Variants in PTK2 observed in about 807,000 individuals in gnomAD.
PTK2 encodes protein tyrosine kinase 2.
In PTK2, 45 loss-of-function variants were observed where a neutral mutation model predicts 150.1. That is an observed-to-expected ratio of 0.30 (90% CI 0.24 to 0.38). The LOEUF is 0.38. Ranked by LOEUF, PTK2 falls within the 10% of genes least tolerant of loss-of-function variation. The pLI is 1.00. For synonymous variants in PTK2, 432 were observed against 449.2 expected, an observed-to-expected ratio of 0.96 and a Z score of 0.48; for missense variants, 919 against 1,307.3, an observed-to-expected ratio of 0.70 and a Z score of 4.58.
chr8:140,931,121 G>C (rs186921540), intron 1 of PTK2, among the ~76,000 whole-genome samples: 1 of 151,040 alleles, frequency 6.6e-6, no homozygotes, highest in Non-Finnish European at 1.5e-5. Context: ...TAAATACATG[G>C]TACAAAATTC....
intron 9 of PTK2, 101 bp downstream of exon 9, chr8:140,818,779 G>T: frequency 8.0e-7 from 1 of 1,248,362 alleles, no homozygotes; most frequent in Non-Finnish European, 1.1e-6. Context: ...GAAAAAAATG[G>T]GACAAGTTAG....
chr8:140,791,059 C>T (rs962295491), intron 13 of PTK2, among the ~76,000 whole-genome samples: 3 of 152,148 alleles, frequency 2.0e-5, no homozygotes, highest in African/African-American at 7.2e-5. Flanking sequence ...GTGGAAATTC[C>T]ACTCTTGTAA....
At chr8:140,751,727 G>C (rs888102581) in intron 17 of PTK2, among the ~76,000 whole-genome samples, 6 of 151,908 alleles carry the variant, frequency 3.9e-5, no homozygotes, top group African/African-American at 9.7e-5. Context: ...CCTGACCTCA[G>C]GTGATCTGCC....
intron 16 of PTK2, among the ~76,000 whole-genome samples, chr8:140,752,529 C>A (rs1240196712): frequency 6.6e-6 from 1 of 152,230 alleles, no homozygotes; most frequent in African/African-American, 2.4e-5. Flanking sequence ...TACAGCAAAT[C>A]ATTTATTCAT....
intron 1 of PTK2, among the ~76,000 whole-genome samples, chr8:140,991,641 A>G (rs1262804789): frequency 6.6e-6 from 1 of 152,164 alleles, no homozygotes; most frequent in Non-Finnish European, 1.5e-5. Context: ...TATGACTTGC[A>G]TTTCTTTCAA....
intron 14 of PTK2, chr8:140,764,541 TA>T (rs921521483): frequency 1.6e-5 from 8 of 488,614 alleles, no homozygotes; most frequent in Non-Finnish European, 2.5e-5. Flanking sequence ...AAAGCCCTTG[TA>T]AAAAACAGAA....
rs1485035794 is a variant in PTK2, at chr8:140,949,863, CG to C, written c.-121-24115del. ...AGCCCGGGAGCCAGGCCACCAGTTA[CG>C]GGTGGAGTCTACAGCCTGGAGTGAG... On this transcript the variant is annotated intron_variant, in intron 1 of 31. Transcript: ENST00000522684. Among the ~76,000 whole-genome samples, 3 of 152,282 alleles carry C rather than the reference CG, an allele frequency of 2.0e-5. No individual in the cohort carries two copies. The East Asian group carries it at 5.8e-4, about 29-fold the overall frequency.
At chr8:140,682,489 T>C (rs560137840) in intron 27 of PTK2, among the ~76,000 whole-genome samples, 1 of 152,190 alleles carries the variant, frequency 6.6e-6, no homozygotes, top group East Asian at 1.9e-4. Context: ...AGAAGTGATG[T>C]ACATATTTCT....
At position 140,729,894 on chromosome 8, in the gene PTK2, G is replaced by A. The variant is rs558335037; in HGVS notation, c.2030+5357C>T. ...ACACAGTTTCAGTCTCCTCATCATC[G>A]TAAACTAACGATGAAGATACTACCT... On this transcript the variant is annotated intron_variant, in intron 22 of 31. Coordinates refer to ENST00000522684, the Ensembl canonical transcript of PTK2. Among the ~76,000 whole-genome samples the A allele has an allele frequency of 1.8e-4, 27 of 152,178 alleles. No homozygotes were observed. The South Asian group carries it at 2.1e-3, about 12-fold the overall frequency.
chr8:140,859,280 A>C (rs2100134674), intron 5 of PTK2, among the ~76,000 whole-genome samples: 1 of 152,154 alleles, frequency 6.6e-6, no homozygotes. Context: ...GTGGAGTGAA[A>C]GGGCAGTGTG....
In PTK2 at chr8:140,871,964, T is replaced by G. The variant is rs184985430; in HGVS notation, c.362+7507A>C. On this transcript the variant is annotated intron_variant, in intron 4 of 31. Coordinates refer to ENST00000522684, the Ensembl canonical transcript of PTK2. ...TGGCTCACACCTATAATCCCAGCAC[T>G]TTGGGAGGCCAAGGTGGGCAGATCA... 4.7e-4 allele frequency among the ~76,000 whole-genome samples: 71 copies of G among 152,048 alleles called. No homozygotes were observed. The East Asian group carries it at 0.013, about 28-fold the overall frequency.
Position 140,734,638 on chromosome 8 carries a change from TA to T in PTK2, c.2030+612del, listed in dbSNP as rs940478884. 1,004 of 457,870 alleles carry T rather than the reference TA, an allele frequency of 2.2e-3. 22 individuals are homozygous for T. The Middle Eastern group carries it at 0.07, about 32-fold the overall frequency. The allele number at this position is 457,870 out of a possible 1,614,324, so 28.4% of individuals were successfully genotyped here. A position where few individuals can be genotyped will look rare whatever the true frequency, so the allele number is the denominator to read the frequency against. The stretch of plus-strand genomic sequence containing the variant: ...TTTAACAGTACCTGGCACAAAGTAG[TA>T]GCCACAAAATGGCACCTGAACAAGC... On this transcript the variant is annotated intron_variant, in intron 22 of 31. Coordinates refer to ENST00000522684, the Ensembl canonical transcript of PTK2.
intron 1 of PTK2, among the ~76,000 whole-genome samples, chr8:140,972,051 GA>G (rs1259759155): frequency 6.6e-6 from 1 of 152,122 alleles, no homozygotes; most frequent in African/African-American, 2.4e-5. Context: ...TCAGGATTAA[GA>G]CATTTTTCAA....
chr8:140,800,388 G>T, intron 12 of PTK2, 71 bp downstream of exon 12: 1 of 1,177,228 alleles, frequency 8.5e-7, no homozygotes, highest in African/African-American at 1.5e-5. Flanking sequence ...AGGATAACAG[G>T]CTGTTAGGGG....
At chr8:140,750,824 G>A (rs1039834312) in intron 17 of PTK2, among the ~76,000 whole-genome samples, 15 of 152,302 alleles carry the variant, frequency 9.8e-5, no homozygotes, top group African/African-American at 3.1e-4. Flanking sequence ...AGTGGCTCAC[G>A]CCTGTAATCC....
chr8:140,962,011 G>A (rs2100183356), intron 1 of PTK2, among the ~76,000 whole-genome samples: 2 of 152,040 alleles, frequency 1.3e-5, no homozygotes, highest in African/African-American at 4.8e-5. Context: ...CCCAGGCAGA[G>A]ACAGGTGGAT....
chr8:140,766,316 C>G (rs1466015309), intron 14 of PTK2, among the ~76,000 whole-genome samples: 4 of 152,176 alleles, frequency 2.6e-5, no homozygotes, highest in African/African-American at 9.7e-5. Context: ...AAAGCTGCTG[C>G]TAACACCAGT....
chr8:140,779,980 AAC>A (rs2100080764), intron 14 of PTK2, among the ~76,000 whole-genome samples: 2 of 152,306 alleles, frequency 1.3e-5, no homozygotes, highest in Non-Finnish European at 2.9e-5. Context: ...CAATGTGAAA[AAC>A]ACACAAATTC....
chr8:140,897,836 C>A (rs996421938), intron 2 of PTK2, among the ~76,000 whole-genome samples: 2 of 152,254 alleles, frequency 1.3e-5, no homozygotes, highest in East Asian at 3.9e-4. Flanking sequence ...AGTCTTTTAC[C>A]CCCTCACCAT....
Sources: allele counts gnomAD v4.1 joint callset (sites outside exome capture counted in the v4.1 genomes callset), GRCh38; gene constraint gnomAD v4.1.1; transcripts MANE v1.5; gene names NCBI Gene and HGNC (gene_info 2026-07-23, HGNC 2026-07-21).